The following ZNF536 variants were observed in gnomAD, a reference collection of about 807,000 sequenced individuals.
ZNF536 encodes zinc finger protein 536.
In ZNF536, 13 loss-of-function variants were observed where a neutral mutation model predicts 84.5. That is an observed-to-expected ratio of 0.15 (90% CI 0.10 to 0.24). ZNF536 has a LOEUF of 0.24. Ranked by LOEUF, ZNF536 falls within the 10% of genes least tolerant of loss-of-function variation. ZNF536 has a pLI of 1.00. For synonymous variants in ZNF536, 811 were observed against 742.5 expected (o/e 1.09, Z -1.50); for missense variants, 1,536 against 1,747.5 (o/e 0.88, Z 2.16).
chr19:30,564,364 T>C (rs972793573), intron 1 of ZNF536, among the ~76,000 whole-genome samples: 1 of 150,386 alleles, frequency 6.6e-6, no homozygotes, highest in Admixed American at 6.6e-5. Flanking sequence ...AGAAGAGAAA[T>C]GGTGGAGGTT....
At chr19:30,344,400 A>G (rs1252881881) in intron 2 of ZNF536, among the ~76,000 whole-genome samples, 1 of 129,688 alleles carries the variant, frequency 7.7e-6, no homozygotes, top group Non-Finnish European at 1.6e-5. Context: ...AGATCACACC[A>G]TTGCATTCCA....
chr19:30,570,392 G>A (rs1262279104), intron 1 of ZNF536, among the ~76,000 whole-genome samples: 2 of 152,186 alleles, frequency 1.3e-5, no homozygotes, highest in African/African-American at 4.8e-5. Flanking sequence ...TACGGAGAGG[G>A]TGGCAGGTGC....
chr19:30,536,394 C>T (rs956691942), intron 3 of ZNF536, among the ~76,000 whole-genome samples: 2 of 152,144 alleles, frequency 1.3e-5, no homozygotes, highest in African/African-American at 4.8e-5. Flanking sequence ...GCCCTCACAT[C>T]CCCTGCAATT....
intron 1 of ZNF536, 40 bp from the exon 2 acceptor site, chr19:30,443,521 C>A: frequency 1.3e-6 from 2 of 1,506,322 alleles, no homozygotes; most frequent in African/African-American, 1.4e-5. Flanking sequence ...GGCGCCACAG[C>A]CGCACCTGGC....
intron 1 of ZNF536, among the ~76,000 whole-genome samples, chr19:30,418,549 T>A (rs138418101): frequency 6.6e-6 from 1 of 152,330 alleles, no homozygotes; most frequent in African/African-American, 2.4e-5. Flanking sequence ...CATAAGATGT[T>A]AAATAGCATC....
chr19:30,585,437 A>G (rs2047063374), intron 1 of ZNF536, among the ~76,000 whole-genome samples: 2 of 152,208 alleles, frequency 1.3e-5, no homozygotes, highest in African/African-American at 4.8e-5. Context: ...AATGAAGTAA[A>G]CAACTCTTCA....
intron 1 of ZNF536, among the ~76,000 whole-genome samples, chr19:30,690,143 GTATT>G (rs909965422): frequency 3.9e-5 from 6 of 152,136 alleles, no homozygotes; most frequent in African/African-American, 1.4e-4. Flanking sequence ...CAAACAGTAG[GTATT>G]TATTTATCAA....
intron 1 of ZNF536, among the ~76,000 whole-genome samples, chr19:30,651,213 C>T (rs1377495341): frequency 1.3e-5 from 2 of 152,188 alleles, no homozygotes; most frequent in Non-Finnish European, 1.5e-5. Flanking sequence ...GTACCGGAAG[C>T]GGGGCTGCTT....
intron 1 of ZNF536, among the ~76,000 whole-genome samples, chr19:30,589,267 G>A (rs553363956): frequency 1.1e-4 from 16 of 152,258 alleles, no homozygotes; most frequent in Middle Eastern, 3.4e-3. Context: ...TGCATTGCCC[G>A]AGGTCCCTCT....
At chr19:30,672,178 A>G (rs981845135) in intron 1 of ZNF536, among the ~76,000 whole-genome samples, 8 of 152,230 alleles carry the variant, frequency 5.3e-5, no homozygotes, top group African/African-American at 9.6e-5. Flanking sequence ...TTCCCCTTTT[A>G]TTCTGCAATT....
chr19:30,244,225 A>C lies in ZNF536; in HGVS notation c.-190+15552A>C, dbSNP rs1045637496. Among the ~76,000 whole-genome samples the C allele has an allele frequency of 5.9e-5, 9 of 152,062 alleles. 1 individual carries two copies. In the South Asian group the frequency reaches 1.9e-3, roughly 31 times the overall value. On this transcript the variant is annotated intron_variant, in intron 1 of 5. Transcript: ENST00000585628. ...TTAGACACAGGATTGCTCATTTCCC[A>C]TTGTAACACTCCTTTCCACCTGACC... is the stretch of plus-strand genomic sequence containing the variant.
intron 2 of ZNF536, among the ~76,000 whole-genome samples, chr19:30,516,539 G>T (rs1179595162): frequency 6.6e-6 from 1 of 152,202 alleles, no homozygotes; most frequent in Non-Finnish European, 1.5e-5. Flanking sequence ...TATGAAGAAA[G>T]CCCTGGAGGA....
At chr19:30,466,362 C>T (rs1019501889) in intron 2 of ZNF536, among the ~76,000 whole-genome samples, 4 of 147,768 alleles carry the variant, frequency 2.7e-5, no homozygotes, top group South Asian at 2.2e-4. Context: ...GGCAACAAAG[C>T]GAAACTCCAT....
At chr19:30,530,782 A>G (rs991687565) in intron 2 of ZNF536, among the ~76,000 whole-genome samples, 3 of 151,658 alleles carry the variant, frequency 2.0e-5, no homozygotes, top group African/African-American at 7.2e-5. Context: ...TCCCTCCTGC[A>G]GTTTGCAGAG....
chr19:30,439,782 C>T (rs567787108), intron 1 of ZNF536, among the ~76,000 whole-genome samples: 21 of 152,150 alleles, frequency 1.4e-4, no homozygotes, highest in East Asian at 3.9e-4. Context: ...TGGGCAGTGA[C>T]GGTCAGTTAA....
chr19:30,367,109 C>T (rs1000040267), intron 3 of ZNF536, among the ~76,000 whole-genome samples: 1 of 152,216 alleles, frequency 6.6e-6, no homozygotes, highest in African/African-American at 2.4e-5. Context: ...TTCCATTTCT[C>T]ACTTGCTAGG....
chr19:30,619,217 C>G (rs2048400465), intron 1 of ZNF536, among the ~76,000 whole-genome samples: 1 of 151,750 alleles, frequency 6.6e-6, no homozygotes, highest in Non-Finnish European at 1.5e-5. Context: ...TTCTGTCATC[C>G]ATTTTAGTTT....
intron 2 of ZNF536, among the ~76,000 whole-genome samples, chr19:30,475,018 C>A (rs1260821666): frequency 6.6e-6 from 1 of 151,784 alleles, no homozygotes; most frequent in African/African-American, 2.4e-5. Flanking sequence ...TATAATTCTG[C>A]AGTTTGCTTT....
intron 2 of ZNF536, among the ~76,000 whole-genome samples, chr19:30,470,707 A>G (rs2053598113): frequency 1.5e-5 from 2 of 130,214 alleles, no homozygotes; most frequent in Admixed American, 1.7e-4. Context: ...TTTTTTTGAG[A>G]TGGAGTCTCG....
Sources: gnomAD v4.1 joint callset for allele counts (sites outside exome capture counted in the v4.1 genomes callset) on GRCh38, gnomAD v4.1.1 for gene constraint, MANE v1.5 for transcripts, NCBI Gene and HGNC (gene_info 2026-07-23, HGNC 2026-07-21) for gene names.